Variants in CSMD1 observed in about 807,000 individuals in gnomAD.
CSMD1 encodes the protein CUB and sushi domain-containing protein 1.
A neutral mutation model predicts 417.5 loss-of-function variants in CSMD1; 213 were observed. The ratio of observed to expected loss-of-function variants is 0.51; its 90% confidence interval spans 0.46 to 0.57. CSMD1 has a LOEUF of 0.57. CSMD1 is among the 20% of genes least tolerant of loss of function. The pLI is 0.00. For synonymous variants in CSMD1, 2,862 were observed against 1,736.8 expected (o/e 1.65, Z -16.11); for missense variants, 6,923 against 4,529.7 (o/e 1.53, Z -15.17).
chr8:4,075,117 G>C (rs1173370609), intron 3 of CSMD1, among the ~76,000 whole-genome samples: 2 of 152,062 alleles, frequency 1.3e-5, no homozygotes, highest in Non-Finnish European at 2.9e-5. Context: ...GTTGAATACA[G>C]TAAATATCAA....
chr8:4,991,076 T>A (rs992936416), intron 1 of CSMD1, among the ~76,000 whole-genome samples: 3 of 152,176 alleles, frequency 2.0e-5, no homozygotes, highest in Admixed American at 6.5e-5. Flanking sequence ...AGTAATTGTC[T>A]GCAAATACCT....
At chr8:4,543,685 A>C (rs1398610495) in intron 2 of CSMD1, among the ~76,000 whole-genome samples, 1 of 149,844 alleles carries the variant, frequency 6.7e-6, no homozygotes, top group East Asian at 1.9e-4. Flanking sequence ...AAAAAAAAAA[A>C]AAAAAAAAAA....
intron 2 of CSMD1, among the ~76,000 whole-genome samples, chr8:4,454,218 A>AC (rs1348443831): frequency 6.6e-6 from 1 of 151,190 alleles, no homozygotes; most frequent in East Asian, 2.0e-4. Context: ...CTCCTTATCC[A>AC]CCCCCAACAC....
chr8:3,863,726 ATT>A (rs909942916), intron 5 of CSMD1, among the ~76,000 whole-genome samples: 1 of 152,152 alleles, frequency 6.6e-6, no homozygotes, highest in Non-Finnish European at 1.5e-5. Context: ...TCTAATTCAG[ATT>A]TTGTTTTCAT....
intron 3 of CSMD1, among the ~76,000 whole-genome samples, chr8:4,274,012 G>C (rs1804765913): frequency 2.0e-5 from 3 of 152,164 alleles, no homozygotes; most frequent in South Asian, 4.1e-4. Flanking sequence ...CATTTTTTCA[G>C]CATATTCTAT....
chr8:3,298,068 G>GA (rs1331051841), intron 25 of CSMD1, among the ~76,000 whole-genome samples: 1 of 152,076 alleles, frequency 6.6e-6, no homozygotes, highest in African/African-American at 2.4e-5. Flanking sequence ...TGGCTAAAAT[G>GA]AAAAAACAAT....
intron 2 of CSMD1, among the ~76,000 whole-genome samples, chr8:4,455,132 G>C (rs947959485): frequency 4.6e-5 from 7 of 152,170 alleles, no homozygotes; most frequent in African/African-American, 1.7e-4. Flanking sequence ...GGATATCAAA[G>C]AGGATTTGGA....
At chr8:4,730,238 CAT>C (rs371203038) in intron 1 of CSMD1, among the ~76,000 whole-genome samples, 13 of 151,566 alleles carry the variant, frequency 8.6e-5, no homozygotes, top group African/African-American at 2.9e-4. Flanking sequence ...CAAAACAAAA[CAT>C]ATATATATAT....
chr8:3,919,030 T>C (rs1809031969), intron 5 of CSMD1, among the ~76,000 whole-genome samples: 4 of 151,916 alleles, frequency 2.6e-5, no homozygotes, highest in Admixed American at 2.0e-4. Flanking sequence ...CCTATGGAAA[T>C]ATTTTTAAAA....
intron 1 of CSMD1, among the ~76,000 whole-genome samples, chr8:4,645,463 A>AAAAAAAC (rs1803460614): frequency 6.6e-6 from 1 of 150,530 alleles, no homozygotes; most frequent in Non-Finnish European, 1.5e-5. Context: ...AAAAAAAAAA[A>AAAAAAAC]AAAAGGCAAG....
At chr8:4,331,979 C>G (rs1263397562) in intron 3 of CSMD1, among the ~76,000 whole-genome samples, 1 of 152,208 alleles carries the variant, frequency 6.6e-6, no homozygotes, top group South Asian at 2.1e-4. Flanking sequence ...ATGCAAAGCA[C>G]ATCTGAAATG....
At chr8:4,586,882 T>C (rs1351920562) in intron 2 of CSMD1, among the ~76,000 whole-genome samples, 1 of 152,222 alleles carries the variant, frequency 6.6e-6, no homozygotes, top group African/African-American at 2.4e-5. Flanking sequence ...TCTGGCATAG[T>C]ATTTGATAAG....
intron 37 of CSMD1, among the ~76,000 whole-genome samples, chr8:3,171,659 T>A (rs1820592038): frequency 2.0e-5 from 3 of 152,200 alleles, no homozygotes; most frequent in Non-Finnish European, 4.4e-5. Flanking sequence ...AAAAACATCA[T>A]GAATTCTAAA....
intron 5 of CSMD1, among the ~76,000 whole-genome samples, chr8:3,948,273 A>C (rs1811369440): frequency 6.6e-6 from 1 of 152,168 alleles, no homozygotes. Context: ...ATATTTGTTA[A>C]AAAATAAAAA....
At chr8:4,453,927 T>C (rs926751154) in intron 2 of CSMD1, among the ~76,000 whole-genome samples, 1 of 143,064 alleles carries the variant, frequency 7.0e-6, no homozygotes, top group African/African-American at 2.6e-5. Context: ...GTTCACAGCA[T>C]TCTCCTGCCT....
intron 5 of CSMD1, among the ~76,000 whole-genome samples, chr8:3,887,703 T>A (rs1461682967): frequency 6.6e-6 from 1 of 152,112 alleles, no homozygotes; most frequent in African/African-American, 2.4e-5. Context: ...AGGTCACAGG[T>A]TTGGAAGGAA....
intron 10 of CSMD1, among the ~76,000 whole-genome samples, chr8:3,510,012 T>A (rs561449888): frequency 1.2e-4 from 18 of 152,330 alleles, no homozygotes; most frequent in African/African-American, 4.1e-4. Flanking sequence ...AATTGACGTA[T>A]ACAAGTCGCG....
At chr8:4,610,939 CA>C (rs1345843212) in intron 2 of CSMD1, among the ~76,000 whole-genome samples, 5 of 152,176 alleles carry the variant, frequency 3.3e-5, no homozygotes, top group African/African-American at 1.2e-4. Context: ...TTGGAAATCA[CA>C]TTCGATAAAA....
Position 3,931,916 on chromosome 8 carries a change from AG to A in CSMD1, c.818+65986del, listed in dbSNP as rs1403023958. 3.2e-3 allele frequency among the ~76,000 whole-genome samples: 483 copies of A among 149,352 alleles called. 20 individuals are homozygous for A. The highest frequency in any genetic ancestry group is 0.012 in the African/African-American group (469 of 40,492). On this transcript the variant is annotated intron_variant, in intron 5 of 69. Coordinates refer to ENST00000635120, the MANE Select transcript of CSMD1 (RefSeq NM_033225.6). Reference sequence around the variant, plus strand: ...AGGAAAAGAAACAGAAAAAAAAAAAAGATCACAGAACCCAATTGTAGCTGTA... The same window carrying A: ...AGGAAAAGAAACAGAAAAAAAAAAAAATCACAGAACCCAATTGTAGCTGTA...
Sources: allele counts gnomAD v4.1 joint callset (sites outside exome capture counted in the v4.1 genomes callset), GRCh38; gene constraint gnomAD v4.1.1; transcripts MANE v1.5; gene names NCBI Gene and HGNC (gene_info 2026-07-23, HGNC 2026-07-21).